The following SYCP2 variants were observed in gnomAD, a reference collection of about 807,000 sequenced individuals.
The protein encoded by SYCP2 is synaptonemal complex lateral element protein.
SYCP2 carries 55 observed loss-of-function variants against 211.3 expected under a neutral mutation model. The observed-to-expected ratio is 0.26, with a 90% CI of 0.21 to 0.33. The LOEUF (loss-of-function observed/expected upper bound fraction) is 0.33, where lower values mean the gene tolerates loss of function less well. Ranked by LOEUF, SYCP2 falls within the 10% of genes least tolerant of loss-of-function variation. The pLI is 1.00. For missense variants in SYCP2, 1,731 were observed against 1,752.0 expected (o/e 0.99, Z 0.21); for synonymous variants, 570 against 555.2 (o/e 1.03, Z -0.37).
rs763934275 is a variant in SYCP2 at position 59,914,173 on chromosome 20, T to G, written c.713A>C (p.Gln238Pro). ...TEKQRQELAH[Q>P]WFSMDFIAKA... is the part of the protein sequence containing the mutation. The stretch of plus-strand genomic sequence containing the variant: ...AGCAATAAAATCCATTGAAAACCAC[T>G]GATGTGCCAGTTCTTGTCTTTGTTT... The change falls in exon 11 of 45, where the codon CAG becomes CCG. Residue 238 changes from glutamine to proline, a missense_variant. Physicochemically the swap from Gln to Pro is moderately conservative, Grantham distance 76. This residue lies in a region of SYCP2 where 335 missense variants were observed against 378.8 expected (regional missense o/e 0.88). Coordinates refer to ENST00000357552, the MANE Select transcript of SYCP2 (RefSeq NM_014258.4). The G allele has an allele frequency of 6.2e-7, 1 of 1,605,676 alleles. No homozygotes were observed.
intron 24 of SYCP2, 134 bp from the exon 25 acceptor site, chr20:59,886,968 T>A: frequency 1.5e-6 from 1 of 654,906 alleles, no homozygotes; most frequent in Non-Finnish European, 2.4e-6. Context: ...GTCAACTGTT[T>A]AGTAAGTTTG....
intron 20 of SYCP2, 122 bp downstream of exon 20, chr20:59,895,315 G>A (rs1180755375): frequency 2.7e-6 from 2 of 740,274 alleles, no homozygotes; most frequent in Non-Finnish European, 4.2e-6. Flanking sequence ...AATATTTAGG[G>A]GAAAAAAGGT....
chr20:59,912,239 A>G, intron 13 of SYCP2, 134 bp downstream of exon 13: 1 of 511,274 alleles, frequency 2.0e-6, no homozygotes, highest in South Asian at 2.1e-5. Context: ...TGTCAGATAC[A>G]GAATACTAGA....
At chr20:59,912,490 C>A (rs879240078) in intron 12 of SYCP2, 72 bp from the exon 13 acceptor site, 1 of 555,858 alleles carries the variant, frequency 1.8e-6, no homozygotes, top group South Asian at 2.1e-5. Flanking sequence ...TAATAGAAAT[C>A]ATGCCTAGAA....
At chr20:59,867,246 A>G (rs2059367818) in intron 39 of SYCP2, among the ~76,000 whole-genome samples, 1 of 151,454 alleles carries the variant, frequency 6.6e-6, no homozygotes, top group Admixed American at 6.6e-5. Flanking sequence ...AATAATTAAA[A>G]ACTGTTTTAA....
chr20:59,874,989 T>C (rs935679701), intron 34 of SYCP2, among the ~76,000 whole-genome samples: 1 of 152,012 alleles, frequency 6.6e-6, no homozygotes, highest in Non-Finnish European at 1.5e-5. Flanking sequence ...TAAAATTAAG[T>C]ACTTTTTTAA....
intron 15 of SYCP2, among the ~76,000 whole-genome samples, chr20:59,906,965 GA>G (rs1440981042): frequency 6.6e-6 from 1 of 152,126 alleles, no homozygotes; most frequent in Non-Finnish European, 1.5e-5. Context: ...CATGTCTATT[GA>G]AATGATAAAA....
chr20:59,919,060 T>C (rs1360106259), intron 7 of SYCP2, 98 bp downstream of exon 7: 1 of 627,788 alleles, frequency 1.6e-6, no homozygotes, highest in East Asian at 3.2e-5. Flanking sequence ...AGATAATGAG[T>C]TCTTAATACT....
intron 14 of SYCP2, among the ~76,000 whole-genome samples, chr20:59,907,681 ATAT>A (rs1433520952): frequency 1.3e-5 from 2 of 152,190 alleles, no homozygotes; most frequent in African/African-American, 2.4e-5. Context: ...ATGACTGTTA[ATAT>A]TATATTTATT....
At chr20:59,885,796 G>T in intron 26 of SYCP2, 132 bp downstream of exon 26, 1 of 734,466 alleles carries the variant, frequency 1.4e-6, no homozygotes, top group Non-Finnish European at 2.3e-6. Context: ...ACCTGTCAGT[G>T]GTTATCATTC....
intron 5 of SYCP2, among the ~76,000 whole-genome samples, 173 bp from the exon 6 acceptor site, chr20:59,919,770 A>G (rs1305151347): frequency 2.0e-5 from 3 of 151,674 alleles, no homozygotes; most frequent in Non-Finnish European, 4.4e-5. Flanking sequence ...TTTTTTAACT[A>G]TCTTTTCCCA....
chr20:59,927,003 T>C (rs1018344799), intron 2 of SYCP2, among the ~76,000 whole-genome samples: 2 of 152,144 alleles, frequency 1.3e-5, no homozygotes, highest in Middle Eastern at 3.2e-3. Context: ...TACCAGAACT[T>C]TGGCATTGGA....
chr20:59,882,863 G>T (rs567159592), intron 26 of SYCP2, among the ~76,000 whole-genome samples: 4 of 151,800 alleles, frequency 2.6e-5, no homozygotes, highest in African/African-American at 7.3e-5. Flanking sequence ...GATAAAGATG[G>T]TAAATTTTAT....
At position 59,881,952 on chromosome 20, in the gene SYCP2, T is replaced by G. The variant is rs897375195; in HGVS notation, c.2651A>C (p.Lys884Thr). ...NLNGADDPIIKLGIQEFQATA... is the reference protein window; with the variant it reads ...NLNGADDPIITLGIQEFQATA... ...CTTGGTATTTTAGCTTACTCCAAGT[T>G]TTATGATAGGGTCATCAGCTCCATT... The change falls in exon 28 of 45, where the codon AAA (lysine) becomes ACA (threonine). Residue 884 changes from lysine (K) to threonine (T), a missense_variant. Lys to Thr is a moderately conservative substitution (Grantham distance 78, BLOSUM62 -1). Coordinates refer to ENST00000357552, the MANE Select transcript of SYCP2 (RefSeq NM_014258.4). 4.7e-5 allele frequency: 76 copies of G among 1,611,694 alleles called. 1 individual carries two copies. The highest frequency in any genetic ancestry group is 6.4e-5 in the Non-Finnish European group (75 of 1,178,790).
chr20:59,868,585 G>A lies in SYCP2; in HGVS notation c.3833-17C>T. ...GGGTGGGGCCTTAGGAACAGTTAAA[G>A]AAAGTTAAAAGCGCTGCAATTTTCA... On this transcript the variant is annotated splice_polypyrimidine_tract_variant and intron_variant, in intron 37 of 44. Transcript: ENST00000357552. 1 of 1,564,562 alleles carries A rather than the reference G, an allele frequency of 6.4e-7. No individual in the cohort carries two copies. Among genetic ancestry groups the A allele is most frequent in the South Asian group, 1.2e-5 (1 of 81,780 alleles).
At chr20:59,893,671 G>A in intron 20 of SYCP2, 78 bp from the exon 21 acceptor site, 1 of 1,035,898 alleles carries the variant, frequency 9.7e-7, no homozygotes, top group African/African-American at 1.6e-5. Flanking sequence ...TAAGGTTTGA[G>A]TCTTTTAAAA....
In SYCP2 at chr20:59,914,144, C is replaced by T. The variant is rs770960462; in HGVS notation, c.742G>A (p.Ala248Thr). Reference protein sequence around the residue: ...QWFSMDFIAKAFKRIKDSEFE... With the variant: ...QWFSMDFIAKTFKRIKDSEFE... Reference sequence around the variant, plus strand: ...TCAGAGTCCTTAATTCTTTTAAATGCCTTAGCAATAAAATCCATTGAAAAC... The same window carrying T: ...TCAGAGTCCTTAATTCTTTTAAATGTCTTAGCAATAAAATCCATTGAAAAC... The change falls in exon 11 of 45, where the codon GCA (alanine) becomes ACA (threonine). Residue 248 changes from alanine (A) to threonine (T), a missense_variant. Around this residue, in one of 3 missense-constraint regions of SYCP2, gnomAD observed 335 missense variants for 378.8 expected, o/e 0.88. Coordinates refer to ENST00000357552, the MANE Select transcript of SYCP2 (RefSeq NM_014258.4). 2 of 1,604,568 alleles carry T rather than the reference C, an allele frequency of 1.2e-6. No individual in the cohort carries two copies. Among genetic ancestry groups the T allele is most frequent in the South Asian group, 2.2e-5 (2 of 89,380 alleles).
rs114161701 is a variant in SYCP2, at chr20:59,907,063, C to T, written c.1033+301G>A. On this transcript the variant is annotated intron_variant, in intron 15 of 44. Transcript: ENST00000357552. ...GTTCCAGTTATAGGATTGGAGAAACCAGATATTCAGATTTAATCAAGCAAA... is the reference window on the plus strand; with the variant it reads ...GTTCCAGTTATAGGATTGGAGAAACTAGATATTCAGATTTAATCAAGCAAA... Among the ~76,000 whole-genome samples the T allele has an allele frequency of 1.0e-2, 1,519 of 152,070 alleles. 28 individuals carry two copies. The highest frequency in any genetic ancestry group is 0.035 in the African/African-American group (1,443 of 41,470).
chr20:59,873,942 C>T lies in SYCP2; in HGVS notation c.3469G>A (p.Gly1157Ser), dbSNP rs749257208. 1 of 1,613,184 alleles carries T rather than the reference C, an allele frequency of 6.2e-7. No homozygotes were observed. The highest frequency in any genetic ancestry group is 8.5e-7 in the Non-Finnish European group (1 of 1,179,602). Residue 1157 changes from glycine to serine, a missense_variant, in exon 35 of 45, where the codon GGT becomes AGT. Gly to Ser is a moderately conservative substitution (Grantham distance 56, BLOSUM62 0). Around this residue, in one of 3 missense-constraint regions of SYCP2, gnomAD observed 1,387 missense variants for 1,351.3 expected, o/e 1.03. Coordinates refer to ENST00000357552, the MANE Select transcript of SYCP2 (RefSeq NM_014258.4). ...TTGTTTTTGGGTGACTTTATTGTAC[C>T]TCCAACTCCACTGTTACTATTTAAG... ...ESLNSNSGVG[G>S]TIKSPKNNEK...
Sources: gnomAD v4.1 joint callset for allele counts (sites outside exome capture counted in the v4.1 genomes callset) on GRCh38, gnomAD v4.1.1 for gene constraint, gnomAD v4.1.1 regional missense constraint, MANE v1.5 for transcripts, NCBI Gene and HGNC (gene_info 2026-07-23, HGNC 2026-07-21) for gene names.